The following NANOS3 variants were observed in gnomAD, a reference collection of about 807,000 sequenced individuals.
The protein encoded by NANOS3 is nanos homolog 3.
Under a neutral mutation model 13.8 loss-of-function variants are expected in NANOS3, and 11 were observed. The observed-to-expected ratio is 0.80, with a 90% CI of 0.50 to 1.32. The LOEUF (loss-of-function observed/expected upper bound fraction) is 1.32. Among genes scored for constraint, NANOS3 ranks in the 40% most tolerant of loss-of-function variants. The pLI, the probability that NANOS3 is intolerant of heterozygous loss-of-function variation, is 0.00. For synonymous variants in NANOS3, 119 were observed against 115.4 expected (o/e 1.03, Z -0.20); for missense variants, 221 against 263.8 (o/e 0.84, Z 1.12).
At chr19:13,870,147 C>T (rs1412046523) in intron 1 of NANOS3, among the ~76,000 whole-genome samples, 1 of 151,980 alleles carries the variant, frequency 6.6e-6, no homozygotes, top group Non-Finnish European at 1.5e-5. Flanking sequence ...CTCGACTTCC[C>T]TGGCTTCCGT....
intron 1 of NANOS3, 47 bp downstream of exon 1, chr19:13,877,812 G>C: frequency 6.6e-7 from 1 of 1,509,810 alleles, no homozygotes. Context: ...GGTAGTGGCT[G>C]AGCCCCCCTG....
At chr19:13,862,919 C>T (rs200521075), upstream of NANOS3, among the ~76,000 whole-genome samples, 4 of 152,328 alleles carry the variant, frequency 2.6e-5, no homozygotes, top group South Asian at 6.2e-4. Context: ...GTGGAAAGGG[C>T]AGTATTCACT....
upstream of NANOS3, among the ~76,000 whole-genome samples, chr19:13,875,256 A>G (rs1469368025): frequency 6.6e-6 from 1 of 150,526 alleles, no homozygotes; most frequent in Non-Finnish European, 1.5e-5. Context: ...GCCCAATCTC[A>G]GCTCACTGCA....
chr19:13,877,374 G>C lies in NANOS3; in HGVS notation c.126G>C (p.Pro42=). The change falls in exon 1 of 2, where the codon CCG becomes CCC. Residue 42 remains proline (P), a synonymous_variant. Transcript: ENST00000339133. ...CAGAGCCAGAGCCAATGCTGGAGCC[G>C]GTGTCAGCCCTGGAGCCGATGCCAG... ...PQPEPEPMLE[P]VSALEPMPAP... 1 of 1,612,450 alleles carries C rather than the reference G, an allele frequency of 6.2e-7. No individual in the cohort carries two copies. Among genetic ancestry groups the C allele is most frequent in the Non-Finnish European group, 8.5e-7 (1 of 1,180,002 alleles).
chr19:13,869,949 C>G (rs964140072), intron 1 of NANOS3, among the ~76,000 whole-genome samples: 1 of 152,102 alleles, frequency 6.6e-6, no homozygotes, highest in African/African-American at 2.4e-5. Context: ...TGAGGGACTT[C>G]ACAGTCAAGA....
intron 1 of NANOS3, among the ~76,000 whole-genome samples, chr19:13,878,104 T>C (rs1167503102): frequency 4.6e-5 from 7 of 152,024 alleles, no homozygotes; most frequent in Admixed American, 4.6e-4. Context: ...AAATTTTGTA[T>C]TTTTAGTAGA....
Position 13,877,297 on chromosome 19 carries a change from G to A in NANOS3, c.49G>A (p.Val17Ile). ...AGATTACCTGGGTTTGGCACACCTG[G>A]TTAGGGCTCTGAGTGGGAAAGAGGG... Reference protein sequence around the residue: ...WTDYLGLAHLVRALSGKEGPE... With the variant: ...WTDYLGLAHLIRALSGKEGPE... The change falls in exon 1 of 2, where the codon GTT (valine) becomes ATT (isoleucine). Residue 17 changes from valine to isoleucine, a missense_variant. Coordinates refer to ENST00000339133, the MANE Select transcript of NANOS3 (RefSeq NM_001098622.3). The A allele has an allele frequency of 6.2e-7, 1 of 1,613,186 alleles. No homozygotes were observed. The highest frequency in any genetic ancestry group is 8.5e-7 in the Non-Finnish European group (1 of 1,179,972).
rs1968529613 is a variant in NANOS3, at chr19:13,877,224, T to G, written c.-25T>G. 1 of 1,582,842 alleles carries G rather than the reference T, an allele frequency of 6.3e-7. No homozygotes were observed. ...AGGGTTACTTGTCTCTGTGACTCCTTCCGCCTGGCACATGCTGCCCAGCTA... is the reference window on the plus strand; with the variant it reads ...AGGGTTACTTGTCTCTGTGACTCCTGCCGCCTGGCACATGCTGCCCAGCTA... On this transcript the variant is annotated 5_prime_UTR_variant, in exon 1 of 2. Coordinates refer to ENST00000339133, the MANE Select transcript of NANOS3 (RefSeq NM_001098622.3).
chr19:13,874,393 C>T (rs1968466321), upstream of NANOS3, among the ~76,000 whole-genome samples: 1 of 152,222 alleles, frequency 6.6e-6, no homozygotes, highest in Non-Finnish European at 1.5e-5. Context: ...TGGCCTTTGG[C>T]CTCAGTCTCC....
chr19:13,878,221 C>G (rs918043329), intron 1 of NANOS3, among the ~76,000 whole-genome samples: 1 of 150,572 alleles, frequency 6.6e-6, no homozygotes, highest in Non-Finnish European at 1.5e-5. Context: ...AGCACCGCAC[C>G]GAGCCAGTTT....
At chr19:13,872,275 G>A (rs917986703), upstream of NANOS3, among the ~76,000 whole-genome samples, 1 of 151,298 alleles carries the variant, frequency 6.6e-6, no homozygotes, top group Non-Finnish European at 1.5e-5. Flanking sequence ...AACCCAGGAG[G>A]TGGAAATTGC....
chr19:13,866,204 C>A (rs1976237436), intron 1 of NANOS3, among the ~76,000 whole-genome samples: 1 of 152,190 alleles, frequency 6.6e-6, no homozygotes, highest in Admixed American at 6.5e-5. Flanking sequence ...AATCCCACTG[C>A]CGGGGAGCCC....
At chr19:13,869,339 C>G (rs1044841224) in intron 1 of NANOS3, among the ~76,000 whole-genome samples, 1 of 152,046 alleles carries the variant, frequency 6.6e-6, no homozygotes, top group Non-Finnish European at 1.5e-5. Context: ...CTTGGCCCCT[C>G]CATAGCCCCC....
At chr19:13,870,705 C>T (rs564188180) in intron 1 of NANOS3, among the ~76,000 whole-genome samples, 1 of 151,348 alleles carries the variant, frequency 6.6e-6, no homozygotes, top group South Asian at 2.1e-4. Flanking sequence ...GTAGCTGGGA[C>T]TACAGGTGTG....
upstream of NANOS3, among the ~76,000 whole-genome samples, chr19:13,875,556 A>G (rs1372157868): frequency 6.6e-6 from 1 of 151,362 alleles, no homozygotes; most frequent in Non-Finnish European, 1.5e-5. Flanking sequence ...TGTTTTTTAA[A>G]TTAGAGACAG....
chr19:13,862,896 C>T (rs896621330), upstream of NANOS3, among the ~76,000 whole-genome samples: 3 of 152,224 alleles, frequency 2.0e-5, no homozygotes, highest in Non-Finnish European at 2.9e-5. Flanking sequence ...ATCTGGGCCT[C>T]GGTTGCCCAT....
At chr19:13,863,005 T>G (rs1976180396), upstream of NANOS3, among the ~76,000 whole-genome samples, 1 of 152,206 alleles carries the variant, frequency 6.6e-6, no homozygotes, top group East Asian at 1.9e-4. Context: ...AAGATACAGC[T>G]GGGGAGAACT....
upstream of NANOS3, among the ~76,000 whole-genome samples, chr19:13,872,739 T>C (rs901469338): frequency 2.6e-5 from 4 of 152,062 alleles, no homozygotes; most frequent in African/African-American, 2.4e-5. Context: ...GAGAAGCCGA[T>C]CAGGCCCCCC....
rs1409739505 is a variant in NANOS3 at position 13,877,727 on chromosome 19, A to G, written c.479A>G (p.Gln160Arg). ...GTCCGGCCTGACAAGGCGAAGACACAGGACACAGGCCACCGCCGAGGAGGA... is the reference window on the plus strand; with the variant it reads ...GTCCGGCCTGACAAGGCGAAGACACGGGACACAGGCCACCGCCGAGGAGGA... ...KLVRPDKAKT[Q>R]DTGHRRGGGG... The change falls in exon 1 of 2, where the codon CAG becomes CGG. Residue 160 changes from glutamine (Q) to arginine (R), a missense_variant. By Grantham distance (43) the Gln-to-Arg change is conservative. Coordinates refer to ENST00000339133, the MANE Select transcript of NANOS3 (RefSeq NM_001098622.3). The G allele has an allele frequency of 5.6e-6, 9 of 1,596,554 alleles. No individual in the cohort carries two copies. The highest frequency in any genetic ancestry group is 1.7e-5 in the Admixed American group (1 of 57,648).
Sources: gnomAD v4.1 joint callset for allele counts (sites outside exome capture counted in the v4.1 genomes callset) on GRCh38, gnomAD v4.1.1 for gene constraint, MANE v1.5 for transcripts, NCBI Gene and HGNC (gene_info 2026-07-23, HGNC 2026-07-21) for gene names.